ANKRD30B: variants seen among roughly 807,000 people sequenced by gnomAD.
ANKRD30B encodes the protein ankyrin repeat domain 30B.
In ANKRD30B, 144 loss-of-function variants were observed where a neutral mutation model predicts 202.2. The ratio of observed to expected loss-of-function variants is 0.71; its 90% confidence interval spans 0.62 to 0.82. The LOEUF is 0.82. Among genes scored for constraint, ANKRD30B ranks in the 40% least tolerant of loss-of-function variants. The pLI is 0.00. For missense variants in ANKRD30B, 1,487 were observed against 1,669.1 expected (o/e 0.89, Z 1.90); for synonymous variants, 508 against 561.3 (o/e 0.91, Z 1.34).
chr18:14,761,021 CAG>C (rs987581891), intron 6 of ANKRD30B, among the ~76,000 whole-genome samples: 53 of 152,166 alleles, frequency 3.5e-4, no homozygotes, highest in African/African-American at 5.5e-4. Flanking sequence ...AGCTCAGTAA[CAG>C]GGGATGATCA....
the ANKRD30B span, among the ~76,000 whole-genome samples, chr18:14,890,517 C>T: frequency 6.6e-6 from 1 of 151,568 alleles, no homozygotes; most frequent in African/African-American, 2.4e-5. Flanking sequence ...CCCAGTTTTA[C>T]AGATCAGGAA....
chr18:14,886,777 C>T, the ANKRD30B span, among the ~76,000 whole-genome samples: 1 of 152,032 alleles, frequency 6.6e-6, no homozygotes, highest in African/African-American at 2.4e-5. Context: ...GACTAAGTCC[C>T]CCTCTGCCCT....
chr18:14,931,528 T>C, the ANKRD30B span, among the ~76,000 whole-genome samples: 1 of 152,186 alleles, frequency 6.6e-6, no homozygotes, highest in Non-Finnish European at 1.5e-5. Context: ...CCCCCTGTGC[T>C]GACCTTAGCT....
intron 39 of ANKRD30B, among the ~76,000 whole-genome samples, chr18:14,847,151 C>A (rs1971684363): frequency 7.0e-6 from 1 of 142,684 alleles, no homozygotes; most frequent in South Asian, 2.3e-4. Context: ...TTAGTCATAT[C>A]TTTTTGTGGT....
At chr18:14,835,846 T>C (rs1232651660) in intron 34 of ANKRD30B, among the ~76,000 whole-genome samples, 1 of 152,022 alleles carries the variant, frequency 6.6e-6, no homozygotes, top group East Asian at 1.9e-4. Context: ...ATTTCTCTTG[T>C]ACAATTAAAA....
the ANKRD30B span, among the ~76,000 whole-genome samples, chr18:14,874,469 A>G: frequency 6.6e-6 from 1 of 152,188 alleles, no homozygotes; most frequent in Admixed American, 6.5e-5. Flanking sequence ...TTTAAGTGTA[A>G]TACAATTTGT....
At chr18:14,777,210 A>G (rs1967412734) in intron 9 of ANKRD30B, among the ~76,000 whole-genome samples, 1 of 152,206 alleles carries the variant, frequency 6.6e-6, no homozygotes, top group African/African-American at 2.4e-5. Context: ...TACAAAGCAT[A>G]CGTGAGGTTT....
intron 16 of ANKRD30B, among the ~76,000 whole-genome samples, chr18:14,793,579 G>C (rs541662967): frequency 2.0e-5 from 3 of 151,744 alleles, no homozygotes; most frequent in Admixed American, 6.6e-5. Context: ...TTTGTTCAGC[G>C]ATTAGCTTGT....
intron 23 of ANKRD30B, 133 bp from the exon 24 acceptor site, chr18:14,803,601 G>C: frequency 9.0e-7 from 1 of 1,114,108 alleles, no homozygotes; most frequent in South Asian, 1.3e-5. Flanking sequence ...TTCAACACAT[G>C]TCTGCTCTTA....
chr18:14,895,060 T>C, the ANKRD30B span, among the ~76,000 whole-genome samples: 1 of 151,476 alleles, frequency 6.6e-6, no homozygotes, highest in African/African-American at 2.4e-5. Context: ...CTACTGCATG[T>C]TTTCACTTAT....
At position 14,777,977 on chromosome 18, in the gene ANKRD30B, T is replaced by G; in HGVS notation, c.1330-8T>G. The G allele has an allele frequency of 6.5e-7, 1 of 1,532,382 alleles. No homozygotes were observed. Among genetic ancestry groups the G allele is most frequent in the African/African-American group, 1.4e-5 (1 of 72,276 alleles). 94.9% of individuals were successfully genotyped at this position (1,532,382 alleles called of 1,614,324 possible). A position where few individuals can be genotyped will look rare whatever the true frequency, so the allele number is the denominator to read the frequency against. On this transcript the variant is annotated splice_region_variant and splice_polypyrimidine_tract_variant and intron_variant, in intron 9 of 43. Coordinates refer to ENST00000690538, the MANE Select transcript of ANKRD30B (RefSeq NM_001367607.2). ...AGACAAATTATTTATTGGTATTACC[T>G]TTAACAGATTATCTCTAAGAGTGCT...
chr18:14,921,420 A>G, the ANKRD30B span, among the ~76,000 whole-genome samples: 264 of 152,240 alleles, frequency 1.7e-3, 2 homozygotes, highest in African/African-American at 5.9e-3. Context: ...TTTAGATATA[A>G]TTGCCTGTTG....
intron 33 of ANKRD30B, 104 bp from the exon 34 acceptor site, chr18:14,831,279 G>C: frequency 1.6e-6 from 1 of 636,066 alleles, no homozygotes; most frequent in Non-Finnish European, 2.6e-6. Context: ...CCCAGATTTT[G>C]TTTTTTGTTC....
chr18:14,903,840 C>T, the ANKRD30B span: 1 of 152,268 alleles, frequency 6.6e-6, no homozygotes, highest in Non-Finnish European at 1.5e-5. Context: ...ACCACAGAAT[C>T]CTTAAGCACA....
At chr18:14,880,572 T>TTG in the ANKRD30B span, among the ~76,000 whole-genome samples, 1 of 149,992 alleles carries the variant, frequency 6.7e-6, no homozygotes, top group Non-Finnish European at 1.5e-5. Context: ...CTTGGTTTTT[T>TTG]TTTTTTTTTT....
chr18:14,851,044 A>G (rs543346902), intron 41 of ANKRD30B, among the ~76,000 whole-genome samples: 1 of 152,088 alleles, frequency 6.6e-6, no homozygotes, highest in South Asian at 2.1e-4. Context: ...CAGAATATCT[A>G]GAGAATATTC....
At chr18:14,749,219 C>A (rs1318285581) in intron 1 of ANKRD30B, among the ~76,000 whole-genome samples, 1 of 152,186 alleles carries the variant, frequency 6.6e-6, no homozygotes, top group Non-Finnish European at 1.5e-5. Flanking sequence ...TCATTTTTCT[C>A]AAGATGCGAC....
At chr18:14,928,782 T>C in the ANKRD30B span, among the ~76,000 whole-genome samples, 1 of 152,202 alleles carries the variant, frequency 6.6e-6, no homozygotes, top group Non-Finnish European at 1.5e-5. Context: ...TCATGTTCTG[T>C]CAAATTTTGG....
At chr18:14,798,981 T>G in intron 20 of ANKRD30B, 120 bp from the exon 21 acceptor site, 1 of 1,080,360 alleles carries the variant, frequency 9.3e-7, no homozygotes, top group East Asian at 2.5e-5. Flanking sequence ...CAAAACCTAG[T>G]GTAATCCCTT....
Sources: gnomAD v4.1 joint callset for allele counts (sites outside exome capture counted in the v4.1 genomes callset) on GRCh38, gnomAD v4.1.1 for gene constraint, MANE v1.5 for transcripts, NCBI Gene and HGNC (gene_info 2026-07-23, HGNC 2026-07-21) for gene names.